TRIM2: variants seen among roughly 807,000 people sequenced by gnomAD.
TRIM2 encodes the protein tripartite motif-containing protein 2.
TRIM2 carries 20 observed loss-of-function variants against 75.2 expected under a neutral mutation model. That is an observed-to-expected ratio of 0.27 (90% confidence interval 0.19 to 0.39). TRIM2 has a LOEUF of 0.39. TRIM2 is among the 10% of genes least tolerant of loss of function. TRIM2 has a pLI of 1.00. For synonymous variants in TRIM2, 373 were observed against 388.3 expected, an observed-to-expected ratio of 0.96 and a Z score of 0.46; for missense variants, 660 against 990.8, an observed-to-expected ratio of 0.67 and a Z score of 4.48.
At chr4:153,233,698 A>G (rs1744253602) in intron 1 of TRIM2, among the ~76,000 whole-genome samples, 1 of 152,116 alleles carries the variant, frequency 6.6e-6, no homozygotes, top group Non-Finnish European at 1.5e-5. Context: ...GCCACTGAGA[A>G]TGCTTCAATT....
chr4:153,166,535 T>TTC (rs1462859776), intron 1 of TRIM2, among the ~76,000 whole-genome samples: 22 of 143,950 alleles, frequency 1.5e-4, no homozygotes, highest in African/African-American at 3.0e-4. Context: ...CCTTCCTTCC[T>TTC]TTTCTCTCTC....
At chr4:153,325,634 A>T (rs72729641) in intron 10 of TRIM2, among the ~76,000 whole-genome samples, 9,913 of 152,308 alleles carry the variant, frequency 0.065, 430 homozygotes, top group Middle Eastern at 0.13. Flanking sequence ...TTTGTAGAGG[A>T]ATCATTCATA....
chr4:153,167,614 T>C (rs572229700), intron 1 of TRIM2, among the ~76,000 whole-genome samples: 1 of 152,336 alleles, frequency 6.6e-6, no homozygotes, highest in South Asian at 2.1e-4. Context: ...TTTACCACCA[T>C]ACTTAGAAAT....
chr4:153,168,423 T>C (rs1730522787), intron 1 of TRIM2, among the ~76,000 whole-genome samples: 2 of 152,190 alleles, frequency 1.3e-5, no homozygotes, highest in Non-Finnish European at 2.9e-5. Flanking sequence ...GGTAGGATGT[T>C]ATATGAATTT....
chr4:153,222,041 CGAGGAAGGGAGGGAGG>C (rs1740615500), intron 1 of TRIM2, among the ~76,000 whole-genome samples: 7 of 102,700 alleles, frequency 6.8e-5, no homozygotes, highest in East Asian at 3.2e-4. Flanking sequence ...AAGGAAAGAG[CGAGGAAGGGAGGGAGG>C]AAGGAAGGAA....
intron 1 of TRIM2, among the ~76,000 whole-genome samples, chr4:153,221,636 T>C (rs1174491563): frequency 6.6e-6 from 1 of 151,900 alleles, no homozygotes. Flanking sequence ...TTTCAAGCTT[T>C]GTATTCTCAG....
At chr4:153,302,771 C>T (rs1408369248) in intron 6 of TRIM2, among the ~76,000 whole-genome samples, 1 of 152,194 alleles carries the variant, frequency 6.6e-6, no homozygotes, top group African/African-American at 2.4e-5. Flanking sequence ...CCTCAAAAAC[C>T]ACCTTCTCTT....
At chr4:153,207,343 A>C (rs533664590) in intron 1 of TRIM2, among the ~76,000 whole-genome samples, 80 of 152,318 alleles carry the variant, frequency 5.3e-4, no homozygotes, top group African/African-American at 1.9e-3. Context: ...ACGGGTTTAA[A>C]AACAAGGGGT....
intron 1 of TRIM2, among the ~76,000 whole-genome samples, chr4:153,161,345 C>T (rs1729718103): frequency 6.6e-6 from 1 of 152,214 alleles, no homozygotes. Context: ...ATATGGTAGG[C>T]ATCATTCTTG....
intron 1 of TRIM2, among the ~76,000 whole-genome samples, chr4:153,176,440 G>A (rs1731442053): frequency 6.6e-6 from 1 of 151,640 alleles, no homozygotes; most frequent in South Asian, 2.1e-4. Context: ...GCGACAGAGT[G>A]AGATCCTGTG....
chr4:153,314,215 T>C (rs916161657), intron 6 of TRIM2, among the ~76,000 whole-genome samples: 2 of 144,682 alleles, frequency 1.4e-5, no homozygotes, highest in East Asian at 3.9e-4. Flanking sequence ...GGTCAGGAGA[T>C]CGAGACCATC....
chr4:153,215,520 C>T (rs1213486032), intron 1 of TRIM2, among the ~76,000 whole-genome samples: 5 of 151,858 alleles, frequency 3.3e-5, no homozygotes, highest in African/African-American at 1.2e-4. Flanking sequence ...CTCAAAACTA[C>T]ATTAGGGAGG....
intron 1 of TRIM2, among the ~76,000 whole-genome samples, chr4:153,156,156 G>A (rs1381480107): frequency 6.6e-6 from 1 of 152,232 alleles, no homozygotes; most frequent in Non-Finnish European, 1.5e-5. Context: ...ATAGGCAACT[G>A]CAACCAGACT....
chr4:153,294,585 C>G, intron 5 of TRIM2, 100 bp downstream of exon 5: 1 of 1,249,654 alleles, frequency 8.0e-7, no homozygotes, highest in South Asian at 1.6e-5. Flanking sequence ...TAAGTGTCAT[C>G]ATTGTATAGT....
rs80051239 is a variant in TRIM2 at position 153,306,268 on chromosome 4, A to G, written c.1511-9217A>G. Among the ~76,000 whole-genome samples the G allele has an allele frequency of 9.4e-3, 1,436 of 152,332 alleles. 18 individuals are homozygous for G. Among genetic ancestry groups the G allele is most frequent in the African/African-American group, 0.031 (1,272 of 41,572 alleles). On this transcript the variant is annotated intron_variant, in intron 6 of 11. Coordinates refer to ENST00000338700, the MANE Select transcript of TRIM2 (RefSeq NM_015271.5). ...AATGGGAATGATATTAATGTATACC[A>G]CATATGGTGAGGATTAAAATAATGC...
chr4:153,171,917 C>G (rs1730911591), intron 1 of TRIM2, among the ~76,000 whole-genome samples: 1 of 139,974 alleles, frequency 7.1e-6, no homozygotes, highest in African/African-American at 2.7e-5. Context: ...GGATAACTAA[C>G]AGATAAGGGT....
chr4:153,293,727 G>A (rs192351728), intron 4 of TRIM2, among the ~76,000 whole-genome samples: 3 of 152,306 alleles, frequency 2.0e-5, no homozygotes, highest in East Asian at 1.9e-4. Flanking sequence ...AGAAAAGTGT[G>A]GTTGTTCTAT....
chr4:153,315,847 G>A lies in TRIM2; in HGVS notation c.1630G>A (p.Gly544Ser). The change falls in exon 8 of 12, where the codon GGC (glycine) becomes AGC (serine). Residue 544 changes from glycine to serine, a missense_variant. Around this residue, in one of 2 missense-constraint regions of TRIM2, gnomAD observed 620 missense variants for 891.0 expected, o/e 0.70. Coordinates refer to ENST00000338700, the MANE Select transcript of TRIM2 (RefSeq NM_015271.5). ...TATCTTACAGATATTTTCCAATGAT[G>A]GCCAGTTCAAAAGTCGTTTTGGCAT... Reference protein sequence around the residue: ...NQCVQIFSNDGQFKSRFGIRG... With the variant: ...NQCVQIFSNDSQFKSRFGIRG... 1 of 1,614,108 alleles carries A rather than the reference G, an allele frequency of 6.2e-7. No individual in the cohort carries two copies.
intron 1 of TRIM2, among the ~76,000 whole-genome samples, chr4:153,163,429 C>G (rs1328947037): frequency 1.3e-5 from 2 of 151,336 alleles, no homozygotes; most frequent in Non-Finnish European, 2.9e-5. Flanking sequence ...AGCTATCTTC[C>G]TGCCTCAGCC....
Sources: allele counts gnomAD v4.1 joint callset (sites outside exome capture counted in the v4.1 genomes callset), GRCh38; gene constraint gnomAD v4.1.1; regional missense constraint gnomAD v4.1.1; transcripts MANE v1.5; gene names NCBI Gene and HGNC (gene_info 2026-07-23, HGNC 2026-07-21).